DOCK4: variants seen among roughly 807,000 people sequenced by gnomAD.
The protein encoded by DOCK4 is dedicator of cytokinesis 4.
Under a neutral mutation model 268.1 loss-of-function variants are expected in DOCK4, and 97 were observed. The ratio of observed to expected loss-of-function variants is 0.36; its 90% CI spans 0.31 to 0.43. DOCK4 has a LOEUF of 0.43. Ranked by LOEUF, DOCK4 falls within the 20% of genes least tolerant of loss-of-function variation. The pLI is 1.00. For missense variants in DOCK4, 2,145 were observed against 2,455.7 expected, an observed-to-expected ratio of 0.87 and a Z score of 2.67; for synonymous variants, 954 against 887.2, an observed-to-expected ratio of 1.08 and a Z score of -1.34.
chr7:111,734,950 C>G lies in DOCK4; in HGVS notation c.5419+104G>C, dbSNP rs146313848. On this transcript the variant is annotated intron_variant, in intron 51 of 52. Coordinates refer to ENST00000428084, the MANE Select transcript of DOCK4 (RefSeq NM_001363540.2). ...TATGCAGCTACTAAGGTTTTTATCC[C>G]AGAAATCAAACGCCTACCTTTCTCT... The G allele has an allele frequency of 3.1e-4, 280 of 909,400 alleles. 2 individuals carry two copies. In the African/African-American group the frequency reaches 4.1e-3, roughly 13 times the overall value. The allele number at this position is 909,400 out of a possible 1,614,324, so 56.3% of individuals were successfully genotyped here. A position where few individuals can be genotyped will look rare whatever the true frequency, so the allele number is the denominator to read the frequency against.
chr7:111,847,126 T>C lies in DOCK4; in HGVS notation c.2474A>G (p.Asp825Gly). Residue 825 changes from aspartate to glycine, a missense_variant and splice_region_variant, in exon 24 of 53, where the codon GAT becomes GGT. Around this residue, in one of 2 missense-constraint regions of DOCK4, gnomAD observed 1,598 missense variants for 1,986.7 expected, o/e 0.80. Transcript: ENST00000428084. ...GACAGGCAGAAGAATGTATCGGGAA[T>C]CTGAAGAGAGAAGAGTCATTAGTGT... The part of the protein sequence containing the change: ...TVESQLYTNP[D>G]SRYILLPVVL... 6.2e-7 allele frequency: 1 copy of C among 1,613,646 alleles called. No homozygotes were observed. Among genetic ancestry groups the C allele is most frequent in the Non-Finnish European group, 8.5e-7 (1 of 1,179,646 alleles).
chr7:111,776,990 G>T (rs1385691555), intron 36 of DOCK4, among the ~76,000 whole-genome samples: 2 of 151,948 alleles, frequency 1.3e-5, no homozygotes, highest in African/African-American at 2.4e-5. Flanking sequence ...CTAATTTTTT[G>T]AATTTTTGGT....
chr7:112,080,076 G>T lies in DOCK4; in HGVS notation c.38-75945C>A, dbSNP rs953020747. ...ATTTCTATTAGAGGAACTAAAGTTA[G>T]AAAAATTTAAAAAAATACATTATTT... On this transcript the variant is annotated intron_variant, in intron 1 of 52. Transcript: ENST00000428084. Among the ~76,000 whole-genome samples the T allele has an allele frequency of 4.0e-5, 6 of 151,810 alleles. No homozygotes were observed. The East Asian group carries it at 1.2e-3, about 29-fold the overall frequency.
At chr7:111,759,833 T>A (rs1254274916) in intron 40 of DOCK4, among the ~76,000 whole-genome samples, 1 of 151,642 alleles carries the variant, frequency 6.6e-6, no homozygotes, top group South Asian at 2.1e-4. Context: ...CACAATACTA[T>A]GATTTTCTTG....
In DOCK4 at chr7:111,984,408, A is replaced by G. The variant is rs763682163; in HGVS notation, c.465-18T>C. ...CCAGTTGTCTAGAAAACAAATTGCA[A>G]AAGTTTGGGGGAAAAGTTACCTCCA... On this transcript the variant is annotated intron_variant, in intron 6 of 52. Coordinates refer to ENST00000428084, the MANE Select transcript of DOCK4 (RefSeq NM_001363540.2). 4.4e-6 allele frequency: 7 copies of G among 1,604,744 alleles called. No individual in the cohort carries two copies. The highest frequency in any genetic ancestry group is 2.2e-5 in the East Asian group (1 of 44,766).
rs111472653 is a variant in DOCK4, at chr7:111,957,422, A to G, written c.702-11624T>C. On this transcript the variant is annotated intron_variant, in intron 8 of 52. Transcript: ENST00000428084. Reference sequence around the variant, plus strand: ...TTTAAGAAAGATAGCCATGACTCCAAGTTCAGAAGACTTTAGAAATCCCAA... The same window carrying G: ...TTTAAGAAAGATAGCCATGACTCCAGGTTCAGAAGACTTTAGAAATCCCAA... Among the ~76,000 whole-genome samples, 602 of 152,294 alleles carry G rather than the reference A, an allele frequency of 4.0e-3. 4 individuals carry two copies. Among genetic ancestry groups the G allele is most frequent in the African/African-American group, 0.014 (571 of 41,568 alleles).
At chr7:111,781,045 A>C (rs1448597545) in intron 35 of DOCK4, among the ~76,000 whole-genome samples, 1 of 152,214 alleles carries the variant, frequency 6.6e-6, no homozygotes, top group Non-Finnish European at 1.5e-5. Context: ...GAGTAAATAC[A>C]TTAAAGGCAG....
rs185899463 is a variant in DOCK4 at position 111,841,535 on chromosome 7, G to A, written c.2736+3228C>T. Reference sequence around the variant, plus strand: ...ACCAACATCACAGAGTCAGTGCAATGACAGAGAAGGAATCAAGCTAGGTCT... The same window carrying A: ...ACCAACATCACAGAGTCAGTGCAATAACAGAGAAGGAATCAAGCTAGGTCT... On this transcript the variant is annotated intron_variant, in intron 25 of 52. Transcript: ENST00000428084. Among the ~76,000 whole-genome samples, 88 of 152,046 alleles carry A rather than the reference G, an allele frequency of 5.8e-4. No homozygotes were observed. The Middle Eastern group carries it at 0.01, about 18-fold the overall frequency.
chr7:112,193,737 T>G (rs1820177549), intron 1 of DOCK4, among the ~76,000 whole-genome samples: 1 of 152,140 alleles, frequency 6.6e-6, no homozygotes, highest in Non-Finnish European at 1.5e-5. Flanking sequence ...GCTTCTACTT[T>G]TTTTATATCC....
Position 111,728,475 on chromosome 7 carries a change from C to T in DOCK4, c.5727G>A (p.Pro1909=), listed in dbSNP as rs768658977. The T allele has an allele frequency of 6.2e-6, 10 of 1,611,738 alleles. No homozygotes were observed. Among genetic ancestry groups the T allele is most frequent in the South Asian group, 1.1e-5 (1 of 90,856 alleles). The change falls in exon 53 of 53, where the codon CCG becomes CCA. Residue 1909 remains proline (P), a synonymous_variant. Transcript: ENST00000428084. ...TCCGCTCGTAGACGCTGTACGGGGG[C>T]GGAGTCTTGCTCTCCTTGCGCACTG... The part of the protein sequence containing the change: ...EEPVRKESKT[P]PPYSVYERTL...
chr7:111,906,844 C>A (rs189393685), intron 13 of DOCK4, among the ~76,000 whole-genome samples: 6 of 152,252 alleles, frequency 3.9e-5, no homozygotes, highest in Admixed American at 2.0e-4. Context: ...GAAGTATATT[C>A]TCCCCTGGAA....
chr7:111,767,156 C>T, intron 37 of DOCK4, 38 bp from the exon 38 acceptor site: 3 of 1,547,396 alleles, frequency 1.9e-6, no homozygotes, highest in Non-Finnish European at 2.7e-6. Flanking sequence ...AACCATCTGA[C>T]AATATCCACT....
chr7:111,796,704 C>T (rs1415458058), intron 30 of DOCK4, among the ~76,000 whole-genome samples: 1 of 152,184 alleles, frequency 6.6e-6, no homozygotes, highest in African/African-American at 2.4e-5. Flanking sequence ...GGCAATCTAG[C>T]ACGTTTCCTC....
intron 1 of DOCK4, among the ~76,000 whole-genome samples, chr7:112,176,047 G>C (rs1818480638): frequency 6.6e-6 from 1 of 152,170 alleles, no homozygotes; most frequent in Non-Finnish European, 1.5e-5. Context: ...AATTGCAAAA[G>C]TATTTGTTAT....
chr7:112,181,300 T>C (rs1342927911), intron 1 of DOCK4, among the ~76,000 whole-genome samples: 1 of 152,114 alleles, frequency 6.6e-6, no homozygotes, highest in East Asian at 1.9e-4. Flanking sequence ...CGTGTAATTA[T>C]ATGATTGTAT....
chr7:112,061,006 A>T (rs1420787461), intron 1 of DOCK4, among the ~76,000 whole-genome samples: 1 of 152,188 alleles, frequency 6.6e-6, no homozygotes, highest in Non-Finnish European at 1.5e-5. Flanking sequence ...AGAAAAAGAG[A>T]TGTATTTGAG....
In DOCK4 at chr7:111,726,462, T is replaced by C. The variant is rs948537387; in HGVS notation, c.*1812A>G. ...AGAAATATGGAGCTTCACATATATATGTATATATATATGAATGTGGTTACA... is the reference window on the plus strand; with the variant it reads ...AGAAATATGGAGCTTCACATATATACGTATATATATATGAATGTGGTTACA... On this transcript the variant is annotated 3_prime_UTR_variant, in exon 53 of 53. Transcript: ENST00000428084. The C allele has an allele frequency of 6.6e-6, 1 of 152,250 alleles. No individual in the cohort carries two copies. The highest frequency in any genetic ancestry group is 2.4e-5 in the African/African-American group (1 of 41,432). The allele number at this position is 152,250 out of a possible 1,614,324, so 9.4% of individuals were successfully genotyped here. A position where few individuals can be genotyped will look rare whatever the true frequency, so the allele number is the denominator to read the frequency against.
At chr7:112,108,662 C>G (rs1405035241) in intron 1 of DOCK4, among the ~76,000 whole-genome samples, 1 of 152,170 alleles carries the variant, frequency 6.6e-6, no homozygotes, top group South Asian at 2.1e-4. Context: ...TGACCAAACA[C>G]AGCAAGTTTC....
In DOCK4 at chr7:111,732,284, G is replaced by A; in HGVS notation, c.5423C>T (p.Ser1808Leu). ...TACTGATGTCGTGTGTCTTGCTGGTGAAGCTGTCAATGGGGAGAGAGATAA... is the reference window on the plus strand; with the variant it reads ...TACTGATGTCGTGTGTCTTGCTGGTAAAGCTGTCAATGGGGAGAGAGATAA... Reference protein sequence around the residue: ...PVPPRPTQTASPARHTTSVSP... With the variant: ...PVPPRPTQTALPARHTTSVSP... Residue 1808 changes from serine (S) to leucine (L), a missense_variant, in exon 52 of 53, where the codon TCA becomes TTA. Transcript: ENST00000428084. 6.2e-7 allele frequency: 1 copy of A among 1,614,014 alleles called. No individual in the cohort carries two copies. The highest frequency in any genetic ancestry group is 1.1e-5 in the South Asian group (1 of 91,074).
Sources: gnomAD v4.1 joint callset for allele counts (sites outside exome capture counted in the v4.1 genomes callset) on GRCh38, gnomAD v4.1.1 for gene constraint, gnomAD v4.1.1 regional missense constraint, MANE v1.5 for transcripts, NCBI Gene and HGNC (gene_info 2026-07-23, HGNC 2026-07-21) for gene names.